The following HECW1 variants were observed in gnomAD, a reference collection of about 807,000 sequenced individuals.
HECW1 encodes E3 ubiquitin-protein ligase HECW1.
A neutral mutation model predicts 182.3 loss-of-function variants in HECW1; 61 were observed. The observed-to-expected ratio is 0.33, with a 90% confidence interval of 0.27 to 0.41. The LOEUF is 0.41. HECW1 is among the 10% of genes least tolerant of loss of function. The probability of loss-of-function intolerance (pLI) is 1.00; values close to 1 mark genes in which losing one functional copy is unlikely to be tolerated. For missense variants in HECW1, 1,739 were observed against 2,108.9 expected, an observed-to-expected ratio of 0.82 and a Z score of 3.44; for synonymous variants, 859 against 832.6, an observed-to-expected ratio of 1.03 and a Z score of -0.55.
At chr7:43,327,851 T>A (rs368530939) in intron 5 of HECW1, among the ~76,000 whole-genome samples, 2 of 151,972 alleles carry the variant, frequency 1.3e-5, no homozygotes, top group East Asian at 1.9e-4. Flanking sequence ...TAATGGGATG[T>A]AGAAAGAACA....
At chr7:43,478,174 T>C (rs1306018101) in intron 16 of HECW1, among the ~76,000 whole-genome samples, 1 of 152,134 alleles carries the variant, frequency 6.6e-6, no homozygotes, top group Non-Finnish European at 1.5e-5. Flanking sequence ...CCCAGCACTT[T>C]GGGAGGGCGA....
intron 2 of HECW1, among the ~76,000 whole-genome samples, chr7:43,124,032 G>A (rs1256754828): frequency 1.3e-5 from 2 of 152,224 alleles, no homozygotes; most frequent in Admixed American, 6.5e-5. Context: ...GTGATTGGGG[G>A]TGGGTAGGAA....
At chr7:43,135,036 T>C (rs1257681486) in intron 2 of HECW1, among the ~76,000 whole-genome samples, 4 of 152,224 alleles carry the variant, frequency 2.6e-5, no homozygotes, top group Non-Finnish European at 4.4e-5. Context: ...ACTTATTATA[T>C]TTTTGTGTAT....
At chr7:43,319,601 CTT>C (rs796502195) in intron 4 of HECW1, among the ~76,000 whole-genome samples, 1 of 47,456 alleles carries the variant, frequency 2.1e-5, no homozygotes, top group Non-Finnish European at 3.2e-5. Flanking sequence ...CTTTTCTTTT[CTT>C]TTTTTTTTTT....
rs557123763 is a variant in HECW1 at position 43,289,833 on chromosome 7, A to C, written c.28-21930A>C. Among the ~76,000 whole-genome samples, 171 of 152,364 alleles carry C rather than the reference A, an allele frequency of 1.1e-3. 1 individual carries two copies. Among genetic ancestry groups the C allele is most frequent in the African/African-American group, 3.8e-3 (157 of 41,584 alleles). ...ATAAATCAGTACATGGAAGGTGTAC[A>C]CTGGTTAGGCAGGAAAAGGCAGGAC... On this transcript the variant is annotated intron_variant, in intron 3 of 29. Transcript: ENST00000395891.
chr7:43,278,754 TCTC>T (rs1370857883), intron 3 of HECW1, among the ~76,000 whole-genome samples: 4 of 151,944 alleles, frequency 2.6e-5, no homozygotes, highest in East Asian at 1.9e-4. Context: ...AGTTGTCACT[TCTC>T]CTCCTCCTCC....
At chr7:43,332,934 G>A (rs1045270666) in intron 5 of HECW1, among the ~76,000 whole-genome samples, 8 of 152,046 alleles carry the variant, frequency 5.3e-5, no homozygotes, top group Non-Finnish European at 8.8e-5. Flanking sequence ...TAATTCAACC[G>A]GTCCCATAGT....
chr7:43,430,904 C>T (rs940128419), intron 8 of HECW1, among the ~76,000 whole-genome samples: 1 of 150,884 alleles, frequency 6.6e-6, no homozygotes, highest in Non-Finnish European at 1.5e-5. Flanking sequence ...GCCTCAGCCT[C>T]CCAAGTAGCT....
intron 3 of HECW1, among the ~76,000 whole-genome samples, chr7:43,278,570 A>G (rs995912421): frequency 6.6e-6 from 1 of 151,862 alleles, no homozygotes. Context: ...CAGAGCCCCA[A>G]CCATGGCCTC....
At chr7:43,247,826 A>T (rs1454450372) in intron 3 of HECW1, among the ~76,000 whole-genome samples, 1 of 138,762 alleles carries the variant, frequency 7.2e-6, no homozygotes, top group Admixed American at 7.0e-5. Flanking sequence ...AAAGAGAGAG[A>T]AAGGTAAGAA....
At chr7:43,311,290 C>CTGTGTG (rs1472433505) in intron 3 of HECW1, among the ~76,000 whole-genome samples, 6 of 152,180 alleles carry the variant, frequency 3.9e-5, no homozygotes, top group Non-Finnish European at 8.8e-5. Flanking sequence ...GGGACCACTC[C>CTGTGTG]TAATTCTGGG....
In HECW1 at chr7:43,444,916, G is replaced by A; in HGVS notation, c.1744G>A (p.Glu582Lys). The change falls in exon 11 of 30, where the codon GAG (glutamate) becomes AAG (lysine). Residue 582 changes from glutamate (E) to lysine (K), a missense_variant. Around this residue, in one of 5 missense-constraint regions of HECW1, gnomAD observed 971 missense variants for 1,029.1 expected, o/e 0.94. Transcript: ENST00000395891. This position sits in a 1 kb window ranked among gnomAD's most constrained non-coding sequence, Gnocchi z 4.3. ...SAQGGSAAEEEDGAEEESTLK... is the reference protein window; with the variant it reads ...SAQGGSAAEEKDGAEEESTLK... Reference sequence around the variant, plus strand: ...CCAGGGCGGCAGCGCGGCAGAGGAGGAGGACGGCGCGGAGGAGGAGTCCAC... The same window carrying A: ...CCAGGGCGGCAGCGCGGCAGAGGAGAAGGACGGCGCGGAGGAGGAGTCCAC... The A allele has an allele frequency of 6.3e-7, 1 of 1,599,112 alleles. No homozygotes were observed. The highest frequency in any genetic ancestry group is 8.5e-7 in the Non-Finnish European group (1 of 1,171,692).
intron 6 of HECW1, 73 bp downstream of exon 6, chr7:43,361,053 CGTGCGTGTGT>C: frequency 3.7e-6 from 3 of 810,920 alleles, no homozygotes; most frequent in South Asian, 3.3e-5. Flanking sequence ...TGTTCTTGTG[CGTGCGTGTGT>C]GTGTGTGTGT....
intron 6 of HECW1, among the ~76,000 whole-genome samples, chr7:43,375,185 T>G (rs2074276414): frequency 6.6e-6 from 1 of 151,954 alleles, no homozygotes. Flanking sequence ...AAGAATGCTA[T>G]AAACAAACAG....
At position 43,112,758 on chromosome 7, in the gene HECW1, C is replaced by T. The variant is rs1784718313; in HGVS notation, c.-446C>T. 1.3e-5 allele frequency: 3 copies of T among 230,652 alleles called. No homozygotes were observed. The East Asian group carries it at 1.8e-4, about 14-fold the overall frequency. The allele number at this position is 230,652 out of a possible 1,614,324, so 14.3% of individuals were successfully genotyped here. A position where few individuals can be genotyped will look rare whatever the true frequency, so the allele number is the denominator to read the frequency against. The stretch of plus-strand genomic sequence containing the variant: ...CGCGCCCCTCCGCCGTGACAGTGGC[C>T]GTGGCCTCCGCTCTCTCGGGGCACC... On this transcript the variant is annotated 5_prime_UTR_variant, in exon 1 of 30. Coordinates refer to ENST00000395891, the MANE Select transcript of HECW1 (RefSeq NM_015052.5).
intron 2 of HECW1, among the ~76,000 whole-genome samples, chr7:43,209,092 C>A (rs1285214157): frequency 6.6e-6 from 1 of 152,134 alleles, no homozygotes; most frequent in Non-Finnish European, 1.5e-5. Flanking sequence ...GAGTGGGAGG[C>A]GGGCAGCCTT....
intron 2 of HECW1, among the ~76,000 whole-genome samples, chr7:43,120,959 A>C (rs1562763383): frequency 6.6e-6 from 1 of 150,672 alleles, no homozygotes; most frequent in Non-Finnish European, 1.5e-5. Context: ...GGCAGATAAA[A>C]CCCCCCTAAA....
At chr7:43,300,821 G>A (rs2152762758) in intron 3 of HECW1, among the ~76,000 whole-genome samples, 1 of 152,278 alleles carries the variant, frequency 6.6e-6, no homozygotes, top group African/African-American at 2.4e-5. Flanking sequence ...GGCTTGATGG[G>A]TGATCTGGAA....
At chr7:43,465,286 C>T (rs1409827600) in intron 14 of HECW1, among the ~76,000 whole-genome samples, 1 of 152,246 alleles carries the variant, frequency 6.6e-6, no homozygotes, top group Non-Finnish European at 1.5e-5. Context: ...ATCTACCCCA[C>T]AGTTCTACAG....
Sources: gnomAD v4.1 joint callset for allele counts (sites outside exome capture counted in the v4.1 genomes callset) on GRCh38, gnomAD v4.1.1 for gene constraint, gnomAD v4.1.1 regional missense constraint, Gnocchi (gnomAD v3.1) non-coding constraint, MANE v1.5 for transcripts, NCBI Gene and HGNC (gene_info 2026-07-23, HGNC 2026-07-21) for gene names.